Variants in KRT85 observed in about 807,000 individuals in gnomAD.
KRT85 encodes keratin 85.
Under a neutral mutation model 53.7 loss-of-function variants are expected in KRT85, and 39 were observed. The ratio of observed to expected loss-of-function variants is 0.73; its 90% CI spans 0.56 to 0.95. The LOEUF (loss-of-function observed/expected upper bound fraction) is 0.95, where lower values mean the gene tolerates loss of function less well. KRT85 is among the 40% of genes least tolerant of loss of function. The pLI is 0.00. For missense variants in KRT85, 668 were observed against 686.0 expected (o/e 0.97, Z 0.29); for synonymous variants, 291 against 277.5 (o/e 1.05, Z -0.48).
At position 52,362,170 on chromosome 12, in the gene KRT85, T is replaced by G. The variant is rs2121399531; in HGVS notation, c.1298+81A>C. 2.5e-6 allele frequency: 4 copies of G among 1,592,150 alleles called. No homozygotes were observed. The East Asian group carries it at 8.9e-5, about 36-fold the overall frequency. On this transcript the variant is annotated intron_variant, in intron 7 of 8. Coordinates refer to ENST00000257901, the MANE Select transcript of KRT85 (RefSeq NM_002283.4). Reference sequence around the variant, plus strand: ...TATTAGCCATGGCCAGAGTTGTAGCTCACACTCAGCTCAAGGAAATTCACT... The same window carrying G: ...TATTAGCCATGGCCAGAGTTGTAGCGCACACTCAGCTCAAGGAAATTCACT...
chr12:52,363,611 T>C (rs535487810), intron 4 of KRT85, among the ~76,000 whole-genome samples: 1 of 152,166 alleles, frequency 6.6e-6, no homozygotes, highest in Non-Finnish European at 1.5e-5. Flanking sequence ...CTGGGAACAG[T>C]GTCTGCCTTA....
intron 7 of KRT85, 77 bp from the exon 8 acceptor site, chr12:52,361,575 G>T: frequency 7.4e-7 from 1 of 1,359,974 alleles, no homozygotes; most frequent in South Asian, 1.2e-5. Context: ...TGGGGACAGA[G>T]AGGGTCATCC....
In KRT85 at chr12:52,361,649, T is replaced by A. The variant is rs528934505; in HGVS notation, c.1299-151A>T. 46 of 754,188 alleles carry A rather than the reference T, an allele frequency of 6.1e-5. No homozygotes were observed. The African/African-American group carries it at 7.9e-4, about 13-fold the overall frequency. 46.7% of individuals were successfully genotyped at this position (754,188 alleles called of 1,614,324 possible). ...CCTCAAATCTGCATTAAATGCTTTC[T>A]TTCTTTGATGGTTTTAACCATGAAG... On this transcript the variant is annotated intron_variant, in intron 7 of 8. Transcript: ENST00000257901.
intron 1 of KRT85, among the ~76,000 whole-genome samples, chr12:52,366,073 G>C (rs1376226373): frequency 3.3e-5 from 5 of 152,226 alleles, no homozygotes; most frequent in African/African-American, 1.2e-4. Flanking sequence ...GGAGGAGCCT[G>C]TGAAGGAGGC....
At chr12:52,363,472 C>G in intron 4 of KRT85, 62 bp from the exon 5 acceptor site, 1 of 1,589,788 alleles carries the variant, frequency 6.3e-7, no homozygotes, top group South Asian at 1.1e-5. Flanking sequence ...GTGATCCACC[C>G]CAGGGGACAA....
rs568452781 is a variant in KRT85 at position 52,366,640 on chromosome 12, C to T, written c.420+346G>A. On this transcript the variant is annotated intron_variant, in intron 1 of 8. Transcript: ENST00000257901. ...ACACACGCTCACACACATGTACACA[C>T]TCACATGCATACACACACATATGCT... is the stretch of plus-strand genomic sequence containing the variant. 2.0e-5 allele frequency among the ~76,000 whole-genome samples: 3 copies of T among 151,904 alleles called. No individual in the cohort carries two copies. In the South Asian group the frequency reaches 6.3e-4, roughly 32 times the overall value.
Position 52,363,384 on chromosome 12 carries a change from G to A in KRT85, c.813C>T (p.Ile271=), listed in dbSNP as rs1484647344. 3 of 1,614,072 alleles carry A rather than the reference G, an allele frequency of 1.9e-6. No individual in the cohort carries two copies. Among genetic ancestry groups the A allele is most frequent in the Non-Finnish European group, 2.5e-6 (3 of 1,180,058 alleles). ...EEEIRVLQAH[I]SDTSVIVKMD... ...TCTTGACTATGACCGAGGTGTCTGA[G>A]ATGTGGGCTTGGAGAACGCGGATCT... Residue 271 remains isoleucine (I), a synonymous_variant, in exon 5 of 9, where the codon ATC becomes ATT. Transcript: ENST00000257901.
In KRT85 at chr12:52,360,763, A is replaced by C; in HGVS notation, c.*90T>G. The C allele has an allele frequency of 7.2e-7, 1 of 1,390,480 alleles. No individual in the cohort carries two copies. Among genetic ancestry groups the C allele is most frequent in the Non-Finnish European group, 1.0e-6 (1 of 979,378 alleles). The allele number at this position is 1,390,480 out of a possible 1,614,324, so 86.1% of individuals were successfully genotyped here. On this transcript the variant is annotated 3_prime_UTR_variant, in exon 9 of 9. Transcript: ENST00000257901. ...GTAGGAACATCCAGAAGATTCTGGA[A>C]GCAAGCACACATTTTCCATTCACAT... is the stretch of plus-strand genomic sequence containing the variant.
At chr12:52,361,411 T>C (rs1939189250) in intron 8 of KRT85, 56 bp downstream of exon 8, 1 of 1,542,576 alleles carries the variant, frequency 6.5e-7, no homozygotes, top group Non-Finnish European at 9.0e-7. Context: ...GCCAATGAGT[T>C]CAGCTTTTCT....
Position 52,364,988 on chromosome 12 carries a change from C to T in KRT85, c.603G>A (p.Gln201=). ...TCTTCTTGTAGCCCTCCAGCACCTC[C>T]TGCACATGGTTGAGCTCTGAGGCCA... The part of the protein sequence containing the change: ...GRLASELNHV[Q]EVLEGYKKKY... The change falls in exon 2 of 9, where the codon CAG becomes CAA. Residue 201 remains glutamine, a synonymous_variant. Transcript: ENST00000257901. The T allele has an allele frequency of 6.2e-7, 1 of 1,612,892 alleles. No individual in the cohort carries two copies.
At chr12:52,366,201 C>T (rs1042209457) in intron 1 of KRT85, among the ~76,000 whole-genome samples, 3 of 152,264 alleles carry the variant, frequency 2.0e-5, no homozygotes, top group East Asian at 3.8e-4. Flanking sequence ...TCCCTGTCTG[C>T]ATTTCAGCCC....
At position 52,363,235 on chromosome 12, in the gene KRT85, G is replaced by A; in HGVS notation, c.951+11C>T. 6.2e-7 allele frequency: 1 copy of A among 1,614,168 alleles called. No homozygotes were observed. Among genetic ancestry groups the A allele is most frequent in the Non-Finnish European group, 8.5e-7 (1 of 1,179,992 alleles). On this transcript the variant is annotated intron_variant, in intron 5 of 8. Coordinates refer to ENST00000257901, the MANE Select transcript of KRT85 (RefSeq NM_002283.4). ...GCCATGCTTAGCAGGCAGGTGTCCTGTGCCACTCACCTTGCTACGGTACCA... is the reference window on the plus strand; with the variant it reads ...GCCATGCTTAGCAGGCAGGTGTCCTATGCCACTCACCTTGCTACGGTACCA...
In KRT85 at chr12:52,362,530, C is replaced by T; in HGVS notation, c.1078-59G>A. 2.5e-6 allele frequency: 4 copies of T among 1,596,254 alleles called. No individual in the cohort carries two copies. The South Asian group carries it at 4.5e-5, about 18-fold the overall frequency. ...AAGAGAAGCCACAGCTTGGCTCACC[C>T]AAGCTGATGGAGCCAGGGCAGGGAG... On this transcript the variant is annotated intron_variant, in intron 6 of 8. Coordinates refer to ENST00000257901, the MANE Select transcript of KRT85 (RefSeq NM_002283.4).
intron 1 of KRT85, among the ~76,000 whole-genome samples, chr12:52,365,752 C>T (rs1161386340): frequency 6.6e-6 from 1 of 152,148 alleles, no homozygotes; most frequent in Non-Finnish European, 1.5e-5. Context: ...ATTACTTACC[C>T]CATGTTGCAC....
intron 4 of KRT85, 60 bp downstream of exon 4, chr12:52,364,008 C>T: frequency 7.7e-7 from 1 of 1,294,286 alleles, no homozygotes. Context: ...TGCCTCACTG[C>T]TCCCCTGTCT....
intron 1 of KRT85, among the ~76,000 whole-genome samples, chr12:52,365,542 G>A (rs1939259530): frequency 6.6e-6 from 1 of 152,188 alleles, no homozygotes; most frequent in African/African-American, 2.4e-5. Context: ...CGTAGTAAAT[G>A]CTCAGTCTAT....
At position 52,364,358 on chromosome 12, in the gene KRT85, T is replaced by A; in HGVS notation, c.638A>T (p.Glu213Val). The A allele has an allele frequency of 6.2e-7, 1 of 1,614,142 alleles. No homozygotes were observed. The highest frequency in any genetic ancestry group is 8.5e-7 in the Non-Finnish European group (1 of 1,180,030). The change falls in exon 3 of 9, where the codon GAG becomes GTG. Residue 213 changes from glutamate to valine, a missense_variant. Transcript: ENST00000257901. ...TGCTGTGGCTCTCAGGGCCACCTCC[T>A]CTTCATACCTGGGTGTGGGAGAGAG... ...VLEGYKKKYE[E>V]EVALRATAEN...
intron 7 of KRT85, among the ~76,000 whole-genome samples, chr12:52,361,862 C>T (rs1031380297): frequency 1.3e-5 from 2 of 151,988 alleles, no homozygotes; most frequent in African/African-American, 4.8e-5. Context: ...GCATCATCAT[C>T]ATAACACACA....
Position 52,363,351 on chromosome 12 carries a change from G to C in KRT85, c.846C>G (p.Asn282Lys). The C allele has an allele frequency of 6.2e-7, 1 of 1,614,154 alleles. No homozygotes were observed. Among genetic ancestry groups the C allele is most frequent in the Non-Finnish European group, 8.5e-7 (1 of 1,180,028 alleles). ...SDTSVIVKMD[N>K]SRDLNMDCII... ...TGCAGTCCATGTTCAGGTCTCGGCT[G>C]TTGTCCATCTTGACTATGACCGAGG... is the stretch of plus-strand genomic sequence containing the variant. The change falls in exon 5 of 9, where the codon AAC (asparagine) becomes AAG (lysine). Residue 282 changes from asparagine (N) to lysine (K), a missense_variant. Physicochemically the swap from Asn to Lys is moderately conservative, Grantham distance 94. Transcript: ENST00000257901.
Sources: allele counts gnomAD v4.1 joint callset (sites outside exome capture counted in the v4.1 genomes callset), GRCh38; gene constraint gnomAD v4.1.1; transcripts MANE v1.5; gene names NCBI Gene and HGNC (gene_info 2026-07-23, HGNC 2026-07-21).